Variants in LDLRAD3 observed in about 807,000 individuals in gnomAD.
The protein encoded by LDLRAD3 is low density lipoprotein receptor class A domain containing 3.
LDLRAD3 carries 20 observed loss-of-function variants against 29.4 expected under a neutral mutation model. The ratio of observed to expected loss-of-function variants is 0.68; its 90% CI spans 0.48 to 0.99. The LOEUF is 0.99. LDLRAD3 is among the 50% of genes least tolerant of loss of function. The pLI is 0.00. For synonymous variants in LDLRAD3, 157 were observed against 192.7 expected (o/e 0.81, Z 1.53); for missense variants, 420 against 454.3 (o/e 0.92, Z 0.69).
intron 2 of LDLRAD3, among the ~76,000 whole-genome samples, chr11:36,069,925 T>C (rs1362766451): frequency 1.3e-5 from 2 of 152,234 alleles, no homozygotes; most frequent in African/African-American, 4.8e-5. Flanking sequence ...GCTGTAAATA[T>C]TACATTGCTT....
chr11:36,082,177 A>C (rs1006327504), intron 3 of LDLRAD3, among the ~76,000 whole-genome samples: 1 of 152,184 alleles, frequency 6.6e-6, no homozygotes, highest in Non-Finnish European at 1.5e-5. Context: ...CTTAATGTTT[A>C]TGTGTTTGCT....
At chr11:36,065,518 G>A (rs531459229) in intron 2 of LDLRAD3, among the ~76,000 whole-genome samples, 1 of 152,304 alleles carries the variant, frequency 6.6e-6, no homozygotes, top group African/African-American at 2.4e-5. Flanking sequence ...TGATGTAGAA[G>A]GCATTATAGA....
intron 1 of LDLRAD3, among the ~76,000 whole-genome samples, chr11:35,963,828 G>C (rs1024083054): frequency 6.6e-6 from 1 of 152,198 alleles, no homozygotes; most frequent in African/African-American, 2.4e-5. Context: ...GGTATGGTTG[G>C]ATATGCAGAA....
chr11:36,000,171 A>G (rs186405947), intron 1 of LDLRAD3, among the ~76,000 whole-genome samples: 2 of 151,876 alleles, frequency 1.3e-5, no homozygotes, highest in Admixed American at 1.3e-4. Context: ...AAAGCACACA[A>G]AACTCTGTGT....
chr11:35,978,313 T>A (rs1432242246), intron 1 of LDLRAD3, among the ~76,000 whole-genome samples: 1 of 152,202 alleles, frequency 6.6e-6, no homozygotes, highest in Non-Finnish European at 1.5e-5. Flanking sequence ...GTCTCCAGCC[T>A]CACACTCACT....
intron 4 of LDLRAD3, among the ~76,000 whole-genome samples, chr11:36,206,748 A>T (rs1855216002): frequency 7.4e-6 from 1 of 134,824 alleles, no homozygotes; most frequent in Non-Finnish European, 1.6e-5. Flanking sequence ...TTTTTTTGAG[A>T]TGGAGTCCTG....
intron 1 of LDLRAD3, among the ~76,000 whole-genome samples, chr11:36,004,528 T>C (rs1451156173): frequency 6.6e-6 from 1 of 152,180 alleles, no homozygotes; most frequent in Non-Finnish European, 1.5e-5. Context: ...AGGCTGGCAT[T>C]GAGTGCCTGT....
intron 1 of LDLRAD3, among the ~76,000 whole-genome samples, chr11:36,030,879 C>T (rs1475766832): frequency 1.3e-5 from 2 of 152,156 alleles, no homozygotes; most frequent in African/African-American, 4.8e-5. Flanking sequence ...GGATGGAATT[C>T]CCATTTCTCA....
chr11:35,948,437 CGT>C (rs140009978), intron 1 of LDLRAD3, among the ~76,000 whole-genome samples: 30,807 of 146,900 alleles, frequency 0.21, 3,364 homozygotes, highest in African/African-American at 0.31. Flanking sequence ...GTTGGCTGAT[CGT>C]GTGTGTGTGT....
At chr11:36,018,069 AATTTTTT>A (rs1240581461) in intron 1 of LDLRAD3, among the ~76,000 whole-genome samples, 1 of 152,170 alleles carries the variant, frequency 6.6e-6, no homozygotes, top group African/African-American at 2.4e-5. Context: ...AAACGAGATT[AATTTTTT>A]CCTCAAAAGT....
chr11:36,219,962 T>G (rs187922142), intron 4 of LDLRAD3, among the ~76,000 whole-genome samples: 10 of 152,320 alleles, frequency 6.6e-5, no homozygotes, highest in Admixed American at 6.5e-4. Context: ...TATAAAATGC[T>G]CTTACTATCC....
chr11:36,101,431 A>G (rs12577249), intron 4 of LDLRAD3, among the ~76,000 whole-genome samples: 7,019 of 152,268 alleles, frequency 0.046, 358 homozygotes, highest in African/African-American at 0.12. Flanking sequence ...ACCCTGTGTG[A>G]TATTGCACCG....
chr11:36,086,442 T>C (rs1853196890), intron 3 of LDLRAD3, among the ~76,000 whole-genome samples: 1 of 152,208 alleles, frequency 6.6e-6, no homozygotes. Flanking sequence ...GGCCACAGTT[T>C]TCTACCAGCC....
At chr11:36,025,314 A>T (rs938486540) in intron 1 of LDLRAD3, among the ~76,000 whole-genome samples, 1 of 152,184 alleles carries the variant, frequency 6.6e-6, no homozygotes, top group Non-Finnish European at 1.5e-5. Context: ...AAAAGTTACC[A>T]AGAATAGCAC....
chr11:36,134,309 G>A (rs966300917), intron 4 of LDLRAD3, among the ~76,000 whole-genome samples: 59 of 152,302 alleles, frequency 3.9e-4, no homozygotes, highest in African/African-American at 1.4e-3. Flanking sequence ...TTAATATGCA[G>A]TGTCTGTTGT....
chr11:36,041,231 T>C (rs2133214612), intron 2 of LDLRAD3, among the ~76,000 whole-genome samples: 1 of 152,376 alleles, frequency 6.6e-6, no homozygotes, highest in African/African-American at 2.4e-5. Context: ...TAGGCCACAC[T>C]ATCCCAGGCA....
At chr11:36,216,287 A>G (rs982204790) in intron 4 of LDLRAD3, among the ~76,000 whole-genome samples, 1 of 152,180 alleles carries the variant, frequency 6.6e-6, no homozygotes, top group Admixed American at 6.5e-5. Flanking sequence ...ATCTTCTAGA[A>G]TGTTGGGAAT....
At chr11:35,951,581 T>A (rs1851136196) in intron 1 of LDLRAD3, among the ~76,000 whole-genome samples, 1 of 152,222 alleles carries the variant, frequency 6.6e-6, no homozygotes, top group Admixed American at 6.5e-5. Context: ...TTAATTCTCT[T>A]AAAGGGCTGG....
At chr11:36,071,135 TGGA>T in intron 2 of LDLRAD3, among the ~76,000 whole-genome samples, 1 of 152,020 alleles carries the variant, frequency 6.6e-6, no homozygotes, top group Non-Finnish European at 1.5e-5. Flanking sequence ...GAGACAGAGA[TGGA>T]TGGAGAATAA....
Sources: allele counts gnomAD v4.1 joint callset (sites outside exome capture counted in the v4.1 genomes callset), GRCh38; gene constraint gnomAD v4.1.1; transcripts MANE v1.5; gene names NCBI Gene and HGNC (gene_info 2026-07-23, HGNC 2026-07-21).